MAGI2: variants seen among roughly 807,000 people sequenced by gnomAD.
MAGI2 encodes membrane associated guanylate kinase, WW and PDZ domain containing 2.
In MAGI2, 35 loss-of-function variants were observed where a neutral mutation model predicts 133.3. The ratio of observed to expected loss-of-function variants is 0.26; its 90% CI spans 0.20 to 0.35. MAGI2 has a LOEUF of 0.35. MAGI2 is among the 10% of genes least tolerant of loss of function. MAGI2 has a pLI of 1.00. For synonymous variants in MAGI2, 729 were observed against 710.6 expected (o/e 1.03, Z -0.41); for missense variants, 1,636 against 1,863.4 (o/e 0.88, Z 2.25).
rs571467908 is a variant in MAGI2 at position 79,085,352 on chromosome 7, T to C, written c.302-78146A>G. ...TTTTCTAAAATTCATATATTTTTAT[T>C]ATTATCTTCTGTTTGTCAAGACATT... On this transcript the variant is annotated intron_variant, in intron 1 of 21. Coordinates refer to ENST00000354212, the MANE Select transcript of MAGI2 (RefSeq NM_012301.4). 1.8e-3 allele frequency among the ~76,000 whole-genome samples: 278 copies of C among 151,972 alleles called. 1 individual carries two copies. Among genetic ancestry groups the C allele is most frequent in the Non-Finnish European group, 2.8e-3 (190 of 67,894 alleles).
chr7:78,064,429 T>G (rs1414594191), intron 21 of MAGI2, among the ~76,000 whole-genome samples: 1 of 152,010 alleles, frequency 6.6e-6, no homozygotes, highest in Non-Finnish European at 1.5e-5. Context: ...ATTAAATAAT[T>G]TACTTAATGA....
At chr7:78,127,725 C>T (rs1266314344) in intron 18 of MAGI2, among the ~76,000 whole-genome samples, 1 of 152,166 alleles carries the variant, frequency 6.6e-6, no homozygotes, top group Admixed American at 6.5e-5. Flanking sequence ...AACTGTACAG[C>T]CACAGCAAAT....
chr7:78,277,150 C>T (rs1795134370), intron 9 of MAGI2, among the ~76,000 whole-genome samples: 2 of 152,046 alleles, frequency 1.3e-5, no homozygotes, highest in Admixed American at 1.3e-4. Flanking sequence ...TTTTAGTACC[C>T]ATTTAATAAA....
intron 1 of MAGI2, among the ~76,000 whole-genome samples, chr7:79,163,101 C>T (rs1047974527): frequency 6.6e-6 from 1 of 152,072 alleles, no homozygotes; most frequent in African/African-American, 2.4e-5. Context: ...CTCCCCAAAA[C>T]ATCAGTATAG....
At chr7:79,054,920 AGC>A (rs1279508976) in intron 1 of MAGI2, among the ~76,000 whole-genome samples, 1 of 152,152 alleles carries the variant, frequency 6.6e-6, no homozygotes, top group African/African-American at 2.4e-5. Context: ...CCTCCCAAGT[AGC>A]TGGGATTACA....
intron 6 of MAGI2, among the ~76,000 whole-genome samples, chr7:78,373,548 C>G (rs62461497): frequency 6.3e-3 from 486 of 77,730 alleles, no homozygotes; most frequent in South Asian, 0.019. Context: ...GTCACTTACT[C>G]TTACTATTGG....
intron 1 of MAGI2, among the ~76,000 whole-genome samples, chr7:79,122,770 C>A: frequency 6.6e-6 from 1 of 151,878 alleles, no homozygotes; most frequent in Middle Eastern, 3.2e-3. Context: ...TCAGCCACTG[C>A]AACCTCCACC....
At chr7:78,669,994 C>A (rs1008538606) in intron 2 of MAGI2, among the ~76,000 whole-genome samples, 31 of 151,616 alleles carry the variant, frequency 2.0e-4, no homozygotes, top group Non-Finnish European at 4.0e-4. Flanking sequence ...TGGAAGCATT[C>A]CCTTTGAAAA....
At chr7:79,436,651 A>G (rs1848166195) in intron 1 of MAGI2, among the ~76,000 whole-genome samples, 1 of 152,214 alleles carries the variant, frequency 6.6e-6, no homozygotes, top group African/African-American at 2.4e-5. Context: ...ATGATACATC[A>G]TTTCACACCA....
chr7:79,449,372 T>A (rs923318641), intron 1 of MAGI2, among the ~76,000 whole-genome samples: 1 of 147,126 alleles, frequency 6.8e-6, no homozygotes, highest in African/African-American at 2.5e-5. Context: ...TTTTTTTGCC[T>A]TTTATTTCCC....
chr7:79,374,271 C>CTGAT (rs1843235482), intron 1 of MAGI2, among the ~76,000 whole-genome samples: 1 of 151,752 alleles, frequency 6.6e-6, no homozygotes, highest in Admixed American at 6.6e-5. Flanking sequence ...AGGGTGAACC[C>CTGAT]TGATCTGTTA....
chr7:78,776,060 C>A (rs1345822152), intron 2 of MAGI2, among the ~76,000 whole-genome samples: 1 of 152,180 alleles, frequency 6.6e-6, no homozygotes, highest in African/African-American at 2.4e-5. Context: ...CTCTCTGTAC[C>A]TCAGTTTCCA....
chr7:78,140,275 C>T (rs180881528), intron 16 of MAGI2, among the ~76,000 whole-genome samples: 28 of 152,288 alleles, frequency 1.8e-4, no homozygotes, highest in Non-Finnish European at 3.5e-4. Flanking sequence ...TTAGATCCCC[C>T]CTTCTCTCCT....
intron 2 of MAGI2, among the ~76,000 whole-genome samples, chr7:78,853,351 T>C (rs1793330555): frequency 2.0e-5 from 2 of 98,286 alleles, no homozygotes; most frequent in African/African-American, 7.8e-5. Flanking sequence ...TTTTTTTTTT[T>C]TTTTTTTTTT....
At chr7:78,404,453 A>G (rs187623305) in intron 6 of MAGI2, among the ~76,000 whole-genome samples, 135 of 152,304 alleles carry the variant, frequency 8.9e-4, no homozygotes, top group African/African-American at 3.1e-3. Flanking sequence ...ACAGCGTGGT[A>G]CTGGTACCAA....
At chr7:78,267,348 G>T (rs1289543959) in intron 9 of MAGI2, among the ~76,000 whole-genome samples, 1 of 152,154 alleles carries the variant, frequency 6.6e-6, no homozygotes, top group African/African-American at 2.4e-5. Context: ...ACTGTATATT[G>T]CATGCACATG....
chr7:79,022,257 C>A (rs1174711578), intron 1 of MAGI2, among the ~76,000 whole-genome samples: 1 of 152,046 alleles, frequency 6.6e-6, no homozygotes, highest in Admixed American at 6.6e-5. Flanking sequence ...GGACATTAAA[C>A]AACTTGCTCC....
intron 1 of MAGI2, among the ~76,000 whole-genome samples, chr7:79,331,458 T>C (rs1339660301): frequency 1.3e-5 from 2 of 152,192 alleles, no homozygotes; most frequent in Admixed American, 6.5e-5. Flanking sequence ...TTTGGGAATA[T>C]ATAGTTACAT....
chr7:78,553,609 G>A (rs1799544879), intron 3 of MAGI2, among the ~76,000 whole-genome samples: 1 of 152,164 alleles, frequency 6.6e-6, no homozygotes, highest in Non-Finnish European at 1.5e-5. Flanking sequence ...TCTCATTAGA[G>A]CTACTGAGTA....
Sources: gnomAD v4.1 joint callset for allele counts (sites outside exome capture counted in the v4.1 genomes callset) on GRCh38, gnomAD v4.1.1 for gene constraint, MANE v1.5 for transcripts, NCBI Gene and HGNC (gene_info 2026-07-23, HGNC 2026-07-21) for gene names.